TAOK1: variants seen among roughly 807,000 people sequenced by gnomAD.
The protein encoded by TAOK1 is serine/threonine-protein kinase TAO1.
A neutral mutation model predicts 138.3 loss-of-function variants in TAOK1; 21 were observed. That is an observed-to-expected ratio of 0.15 (90% confidence interval 0.11 to 0.22). The LOEUF (loss-of-function observed/expected upper bound fraction) is 0.22, where lower values mean the gene tolerates loss of function less well. TAOK1 is among the 10% of genes least tolerant of loss of function. The pLI is 1.00. For synonymous variants in TAOK1, 361 were observed against 398.4 expected (o/e 0.91, Z 1.12); for missense variants, 651 against 1,227.7 (o/e 0.53, Z 7.02).
intron 1 of TAOK1, among the ~76,000 whole-genome samples, chr17:29,406,897 A>G (rs1905007144): frequency 1.3e-5 from 2 of 152,198 alleles, no homozygotes; most frequent in Non-Finnish European, 2.9e-5. Context: ...TGTTTGAGGT[A>G]TAATTAATGC....
intron 1 of TAOK1, among the ~76,000 whole-genome samples, chr17:29,449,082 A>G (rs2153024038): frequency 6.6e-6 from 1 of 152,326 alleles, no homozygotes; most frequent in East Asian, 1.9e-4. Flanking sequence ...CAGCTAGAAA[A>G]TTTTAATGTA....
intron 2 of TAOK1, 50 bp from the exon 3 acceptor site, chr17:29,467,095 G>T (rs759847464): frequency 2.3e-5 from 32 of 1,403,602 alleles, no homozygotes; most frequent in Non-Finnish European, 3.1e-5. Context: ...TAGTTGCCTA[G>T]ATTTCACCTG....
intron 18 of TAOK1, among the ~76,000 whole-genome samples, chr17:29,532,236 C>T (rs1380861369): frequency 2.6e-5 from 4 of 152,094 alleles, no homozygotes; most frequent in African/African-American, 9.7e-5. Context: ...CAGGCGCCTG[C>T]TCATACTTTG....
At chr17:29,457,735 C>T (rs897236033) in intron 2 of TAOK1, among the ~76,000 whole-genome samples, 1 of 151,792 alleles carries the variant, frequency 6.6e-6, no homozygotes, top group Non-Finnish European at 1.5e-5. Context: ...GCCATCCAAA[C>T]AATGCCTTCG....
At chr17:29,520,684 G>A (rs1598519828) in intron 16 of TAOK1, among the ~76,000 whole-genome samples, 1 of 151,018 alleles carries the variant, frequency 6.6e-6, no homozygotes, top group African/African-American at 2.4e-5. Flanking sequence ...CAGAGTGCTG[G>A]GATTACAGGC....
chr17:29,456,925 G>C (rs1403758531), intron 2 of TAOK1, among the ~76,000 whole-genome samples: 1 of 130,604 alleles, frequency 7.7e-6, no homozygotes, highest in African/African-American at 2.7e-5. Context: ...AATAGAGACG[G>C]GGTTCCACTG....
At chr17:29,425,074 G>T (rs2153022120) in intron 1 of TAOK1, among the ~76,000 whole-genome samples, 1 of 152,140 alleles carries the variant, frequency 6.6e-6, no homozygotes, top group Non-Finnish European at 1.5e-5. Context: ...AATACTTATT[G>T]GTTTTGGTTT....
intron 13 of TAOK1, among the ~76,000 whole-genome samples, chr17:29,503,750 G>A (rs1359677573): frequency 2.0e-5 from 3 of 152,066 alleles, no homozygotes; most frequent in South Asian, 2.1e-4. Context: ...TGAGGTGGGC[G>A]GACCACTTGA....
At position 29,489,665 on chromosome 17, in the gene TAOK1, G is replaced by A. The variant is rs776338899; in HGVS notation, c.657G>A (p.Ala219=). ...WSLGITCIEL[A]ERKPPLFNMN... ...AGGAATGTTTCCTTTCTTTTACAGC[G>A]GAAAGGAAGCCTCCTTTATTTAATA... Residue 219 remains alanine (A), a splice_region_variant and synonymous_variant, in exon 9 of 20, where the codon GCG becomes GCA. Coordinates refer to ENST00000261716, the MANE Select transcript of TAOK1 (RefSeq NM_020791.4). 18 of 1,599,668 alleles carry A rather than the reference G, an allele frequency of 1.1e-5. No individual in the cohort carries two copies. Among genetic ancestry groups the A allele is most frequent in the African/African-American group, 5.4e-5 (4 of 73,922 alleles).
intron 3 of TAOK1, among the ~76,000 whole-genome samples, chr17:29,467,951 A>G (rs2030713274): frequency 6.7e-6 from 1 of 150,200 alleles, no homozygotes; most frequent in Non-Finnish European, 1.5e-5. Flanking sequence ...TTCAGCCTCC[A>G]GAGTATCTGG....
At position 29,451,585 on chromosome 17, in the gene TAOK1, C is replaced by G. The variant is rs1325192551; in HGVS notation, c.37C>G (p.Pro13Ala). 1 of 1,613,438 alleles carries G rather than the reference C, an allele frequency of 6.2e-7. No individual in the cohort carries two copies. Among genetic ancestry groups the G allele is most frequent in the Non-Finnish European group, 8.5e-7 (1 of 1,179,716 alleles). ...STNRAGSLKD[P>A]EIAELFFKED... ...TAACAGAGCAGGCAGCCTGAAGGAC[C>G]CTGAAATTGCAGAGCTCTTCTTCAA... Residue 13 changes from proline to alanine, a missense_variant, in exon 2 of 20, where the codon CCT (proline) becomes GCT (alanine). Physicochemically the swap from Pro to Ala is conservative, Grantham distance 27. Around this residue, in one of 8 missense-constraint regions of TAOK1, gnomAD observed 116 missense variants for 213.9 expected, o/e 0.54. Transcript: ENST00000261716.
In TAOK1 at chr17:29,390,833, C is replaced by G. The variant is rs1300729973; in HGVS notation, c.-286C>G. On this transcript the variant is annotated 5_prime_UTR_variant, in exon 1 of 20. Transcript: ENST00000261716. Reference sequence around the variant, plus strand: ...CCCGGTCGTCCCCTCGCCCCCCCCCCCACCCCCCGCCGCCGCCGCCCCTTG... The same window carrying G: ...CCCGGTCGTCCCCTCGCCCCCCCCCGCACCCCCCGCCGCCGCCGCCCCTTG... The G allele has an allele frequency of 6.6e-6, 1 of 151,080 alleles. No individual in the cohort carries two copies. The highest frequency in any genetic ancestry group is 1.5e-5 in the Non-Finnish European group (1 of 67,378). 9.4% of individuals were successfully genotyped at this position (151,080 alleles called of 1,614,324 possible).
Position 29,401,958 on chromosome 17 carries a change from C to CT in TAOK1, c.-95+10941dup, listed in dbSNP as rs1567708099. 2.0e-5 allele frequency among the ~76,000 whole-genome samples: 3 copies of CT among 152,220 alleles called. No individual in the cohort carries two copies. The South Asian group carries it at 6.2e-4, about 32-fold the overall frequency. On this transcript the variant is annotated intron_variant, in intron 1 of 19. Transcript: ENST00000261716. ...AGCCACTGTGCCTGAACTAAAATTT[C>CT]TTTTTTTACCTCATCCCTTTTACTT...
At chr17:29,529,599 G>A (rs1308467076) in intron 17 of TAOK1, among the ~76,000 whole-genome samples, 1 of 152,150 alleles carries the variant, frequency 6.6e-6, no homozygotes, top group East Asian at 1.9e-4. Context: ...AGGTGCAGTG[G>A]TTCACGCCTG....
At position 29,544,846 on chromosome 17, in the gene TAOK1, C is replaced by G. The variant is rs566229617; in HGVS notation, c.*1824C>G. 6.6e-6 allele frequency: 1 copy of G among 152,306 alleles called. No individual in the cohort carries two copies. Among genetic ancestry groups the G allele is most frequent in the Admixed American group, 6.5e-5 (1 of 15,306 alleles). The allele number at this position is 152,306 out of a possible 1,614,324, so 9.4% of individuals were successfully genotyped here. ...CTCCAAGGTAGAACTCTCTAAGTCC[C>G]TCTCAATGGCACTCTTTGCCTAGAC... On this transcript the variant is annotated 3_prime_UTR_variant, in exon 20 of 20. Transcript: ENST00000261716.
intron 19 of TAOK1, among the ~76,000 whole-genome samples, chr17:29,536,018 C>CTTATCTT (rs2032215157): frequency 1.3e-5 from 2 of 151,970 alleles, no homozygotes; most frequent in Admixed American, 1.3e-4. Flanking sequence ...TAAGGCCAGG[C>CTTATCTT]ACAGTGGCTC....
At chr17:29,521,658 C>G (rs1208154669) in intron 16 of TAOK1, among the ~76,000 whole-genome samples, 1 of 152,214 alleles carries the variant, frequency 6.6e-6, no homozygotes, top group African/African-American at 2.4e-5. Context: ...TCTCAGCTCC[C>G]TGCAAGCTCC....
chr17:29,413,958 C>G (rs1266930186), intron 1 of TAOK1, among the ~76,000 whole-genome samples: 1 of 142,800 alleles, frequency 7.0e-6, no homozygotes, highest in African/African-American at 2.6e-5. Context: ...TCTTGGCTCA[C>G]TGCAAACTCT....
At chr17:29,418,415 A>G (rs908004353) in intron 1 of TAOK1, among the ~76,000 whole-genome samples, 1 of 151,766 alleles carries the variant, frequency 6.6e-6, no homozygotes, top group African/African-American at 2.4e-5. Context: ...ATGTTACCCA[A>G]GCTGGTCTCC....
Sources: allele counts gnomAD v4.1 joint callset (sites outside exome capture counted in the v4.1 genomes callset), GRCh38; gene constraint gnomAD v4.1.1; regional missense constraint gnomAD v4.1.1; transcripts MANE v1.5; gene names NCBI Gene and HGNC (gene_info 2026-07-23, HGNC 2026-07-21).